Variants in IFT88 observed in about 807,000 individuals in gnomAD.
IFT88 encodes intraflagellar transport 88.
A neutral mutation model predicts 119.5 loss-of-function variants in IFT88; 74 were observed. That is an observed-to-expected ratio of 0.62 (90% CI 0.51 to 0.75). The LOEUF (loss-of-function observed/expected upper bound fraction) is 0.75, where lower values mean the gene tolerates loss of function less well. IFT88 is among the 30% of genes least tolerant of loss of function. The probability of loss-of-function intolerance (pLI) is 0.00; values close to 1 mark genes in which losing one functional copy is unlikely to be tolerated. For synonymous variants in IFT88, 279 were observed against 316.7 expected (o/e 0.88, Z 1.26); for missense variants, 961 against 977.7 (o/e 0.98, Z 0.23).
At chr13:20,569,138 A>G (rs575782349) in intron 1 of IFT88, among the ~76,000 whole-genome samples, 9 of 152,348 alleles carry the variant, frequency 5.9e-5, no homozygotes, top group East Asian at 1.9e-4. Context: ...AAATGGATCA[A>G]TGACCTAAAT....
chr13:20,587,565 T>A (rs1029192789), intron 3 of IFT88, among the ~76,000 whole-genome samples: 1 of 152,188 alleles, frequency 6.6e-6, no homozygotes, highest in African/African-American at 2.4e-5. Flanking sequence ...GCCTACTGGT[T>A]CTATTTTTAA....
At position 20,593,470 on chromosome 13, in the gene IFT88, A is replaced by G. The variant is rs575516564; in HGVS notation, c.398+1066A>G. Among the ~76,000 whole-genome samples the G allele has an allele frequency of 5.3e-5, 8 of 151,916 alleles. No individual in the cohort carries two copies. In the South Asian group the frequency reaches 1.7e-3, roughly 32 times the overall value. On this transcript the variant is annotated intron_variant, in intron 7 of 25. Transcript: ENST00000351808. ...GGGCTCTGGAACTAGAACTGGAATT[A>G]GTCACTATACTGTTTTGCTTCTATA...
At chr13:20,612,364 T>C (rs1240591009) in intron 13 of IFT88, 3 of 152,138 alleles carry the variant, frequency 2.0e-5, no homozygotes, top group African/African-American at 7.2e-5. Flanking sequence ...AAATACACTA[T>C]ACACTACCCA....
chr13:20,631,797 G>C (rs1274996762), intron 16 of IFT88: 1 of 152,110 alleles, frequency 6.6e-6, no homozygotes, highest in East Asian at 1.9e-4. Context: ...GTGTATAAGA[G>C]TCATTTCTTT....
At chr13:20,586,186 A>G (rs928429715) in intron 3 of IFT88, among the ~76,000 whole-genome samples, 6 of 152,226 alleles carry the variant, frequency 3.9e-5, no homozygotes, top group African/African-American at 1.4e-4. Context: ...TGTAACTGGG[A>G]TAGTGTGTGG....
intron 22 of IFT88, 70 bp downstream of exon 22, chr13:20,656,500 C>T: frequency 1.5e-6 from 1 of 653,078 alleles, no homozygotes; most frequent in Non-Finnish European, 2.6e-6. Context: ...TATATAATTA[C>T]CTTTGCTACA....
At chr13:20,662,740 TGTG>T (rs2054023024) in intron 22 of IFT88, among the ~76,000 whole-genome samples, 1 of 107,080 alleles carries the variant, frequency 9.3e-6, no homozygotes, top group Non-Finnish European at 2.0e-5. Context: ...ACAAAATTAT[TGTG>T]TTTTTTAGCA....
At chr13:20,568,258 A>G (rs987395011) in intron 1 of IFT88, among the ~76,000 whole-genome samples, 1 of 152,192 alleles carries the variant, frequency 6.6e-6, no homozygotes, top group South Asian at 2.1e-4. Flanking sequence ...TCAACATGGA[A>G]AAGTTTGTTA....
intron 14 of IFT88, among the ~76,000 whole-genome samples, chr13:20,624,972 A>G (rs2047083105): frequency 6.6e-6 from 1 of 152,196 alleles, no homozygotes; most frequent in South Asian, 2.1e-4. Context: ...CCCTTGATGT[A>G]CAATAGATCT....
At position 20,641,261 on chromosome 13, in the gene IFT88, G is replaced by T. The variant is rs1261496238; in HGVS notation, c.1574-29G>T. On this transcript the variant is annotated intron_variant, in intron 17 of 25. Transcript: ENST00000351808. ...ATTAATACCAATAATGATACTTATA[G>T]ATTTTCTTTTTTTTCTTCTTTTTTT... 7 of 1,254,354 alleles carry T rather than the reference G, an allele frequency of 5.6e-6. No individual in the cohort carries two copies. In the East Asian group the frequency reaches 9.6e-5, roughly 17 times the overall value. The allele number at this position is 1,254,354 out of a possible 1,614,324, so 77.7% of individuals were successfully genotyped here. A position where few individuals can be genotyped will look rare whatever the true frequency, so the allele number is the denominator to read the frequency against.
chr13:20,664,807 C>T (rs1018628689), intron 23 of IFT88, among the ~76,000 whole-genome samples: 16 of 152,178 alleles, frequency 1.1e-4, no homozygotes, highest in African/African-American at 2.6e-4. Flanking sequence ...AGACTGGGCA[C>T]GGTGGCTCAC....
intron 19 of IFT88, among the ~76,000 whole-genome samples, chr13:20,644,442 A>G (rs112154899): frequency 2.6e-5 from 4 of 152,154 alleles, no homozygotes; most frequent in African/African-American, 7.2e-5. Context: ...CAGAGGTTGT[A>G]GTGAGCCAAG....
intron 16 of IFT88, chr13:20,631,953 C>G (rs2048268129): frequency 6.6e-6 from 1 of 151,826 alleles, no homozygotes; most frequent in African/African-American, 2.4e-5. Context: ...TTGAGACCAG[C>G]CTGGGCAACA....
intron 12 of IFT88, among the ~76,000 whole-genome samples, chr13:20,602,385 A>C (rs1321930661): frequency 2.6e-5 from 4 of 151,702 alleles, no homozygotes; most frequent in Non-Finnish European, 5.9e-5. Flanking sequence ...TTTTATTTTT[A>C]GTAGAGAAGG....
At chr13:20,607,207 G>A (rs550477592) in intron 13 of IFT88, 5 of 396,260 alleles carry the variant, frequency 1.3e-5, no homozygotes, top group East Asian at 1.5e-4. Flanking sequence ...CCCCTGCACC[G>A]CCCATCTCAG....
intron 2 of IFT88, 140 bp from the exon 3 acceptor site, chr13:20,582,817 T>G: frequency 1.7e-6 from 1 of 590,162 alleles, no homozygotes. Context: ...AGTGGGGAGA[T>G]TTGAGGTAGG....
At chr13:20,597,715 G>C (rs1007921673) in intron 9 of IFT88, among the ~76,000 whole-genome samples, 1 of 150,936 alleles carries the variant, frequency 6.6e-6, no homozygotes, top group Admixed American at 6.6e-5. Flanking sequence ...CCACACTCCA[G>C]AGCCTGGGCG....
chr13:20,605,347 G>A (rs1215222040), intron 13 of IFT88, among the ~76,000 whole-genome samples: 5 of 152,052 alleles, frequency 3.3e-5, no homozygotes, highest in African/African-American at 1.2e-4. Context: ...TAATCTCAGT[G>A]CTCATGCTAA....
intron 7 of IFT88, 98 bp downstream of exon 7, chr13:20,592,502 C>T (rs539432075): frequency 1.3e-6 from 1 of 797,624 alleles, no homozygotes; most frequent in South Asian, 1.8e-5. Flanking sequence ...TGATATCTCA[C>T]TCTGTTGCCC....
Sources: allele counts gnomAD v4.1 joint callset (sites outside exome capture counted in the v4.1 genomes callset), GRCh38; gene constraint gnomAD v4.1.1; transcripts MANE v1.5; gene names NCBI Gene and HGNC (gene_info 2026-07-23, HGNC 2026-07-21).